The following LGR5 variants were observed in gnomAD, a reference collection of about 807,000 sequenced individuals.
LGR5 encodes the protein leucine rich repeat containing G protein-coupled receptor 5.
LGR5 carries 54 observed loss-of-function variants against 76.7 expected under a neutral mutation model. The ratio of observed to expected loss-of-function variants is 0.70; its 90% CI spans 0.57 to 0.88. The LOEUF is 0.88. Among genes scored for constraint, LGR5 ranks in the 40% least tolerant of loss-of-function variants. LGR5 has a pLI of 0.00. For missense variants in LGR5, 1,078 were observed against 1,073.3 expected, an observed-to-expected ratio of 1.00 and a Z score of -0.06; for synonymous variants, 406 against 421.9, an observed-to-expected ratio of 0.96 and a Z score of 0.46.
At chr12:71,547,649 T>C (rs1451852304) in intron 4 of LGR5, among the ~76,000 whole-genome samples, 1 of 152,226 alleles carries the variant, frequency 6.6e-6, no homozygotes, top group Non-Finnish European at 1.5e-5. Flanking sequence ...GATATCAATA[T>C]GCCCTCAAAT....
rs939261982 is a variant in LGR5 at position 71,583,993 on chromosome 12, G to A, written c.1983G>A (p.Glu661=). ...SVFLLTLAAL[E]RGFSVKYSAK... Reference sequence around the variant, plus strand: ...TCCTGCTTACTCTGGCAGCCCTGGAGCGTGGGTTCTCTGTGAAATATTCTG... The same window carrying A: ...TCCTGCTTACTCTGGCAGCCCTGGAACGTGGGTTCTCTGTGAAATATTCTG... The change falls in exon 18 of 18, where the codon GAG becomes GAA. Residue 661 remains glutamate (E), a synonymous_variant. Transcript: ENST00000266674. The A allele has an allele frequency of 6.2e-7, 1 of 1,614,076 alleles. No individual in the cohort carries two copies. The highest frequency in any genetic ancestry group is 1.3e-5 in the African/African-American group (1 of 74,928).
intron 2 of LGR5, among the ~76,000 whole-genome samples, chr12:71,508,330 A>G (rs1430572041): frequency 6.6e-6 from 1 of 152,234 alleles, no homozygotes; most frequent in Non-Finnish European, 1.5e-5. Context: ...TCCTTTAACT[A>G]TGTTATAAAC....
intron 1 of LGR5, among the ~76,000 whole-genome samples, chr12:71,477,497 A>T (rs1873390090): frequency 6.8e-6 from 1 of 147,984 alleles, no homozygotes; most frequent in Non-Finnish European, 1.5e-5. Flanking sequence ...ACTATGTATT[A>T]TATATGTGAT....
At position 71,584,461 on chromosome 12, in the gene LGR5, C is replaced by G; in HGVS notation, c.2451C>G (p.Pro817=). 1 of 1,614,172 alleles carries G rather than the reference C, an allele frequency of 6.2e-7. No homozygotes were observed. Among genetic ancestry groups the G allele is most frequent in the South Asian group, 1.1e-5 (1 of 91,082 alleles). The part of the protein sequence containing the change: ...VVVPLPACLN[P]LLYILFNPHF... ...TCCCACTTCCTGCATGTCTCAATCC[C>G]CTTCTCTACATCTTGTTCAATCCTC... Residue 817 remains proline, a synonymous_variant, in exon 18 of 18, where the codon CCC becomes CCG. Coordinates refer to ENST00000266674, the MANE Select transcript of LGR5 (RefSeq NM_003667.4).
At chr12:71,566,992 ATC>A (rs1392024379) in intron 11 of LGR5, 80 bp downstream of exon 11, 3 of 1,120,254 alleles carry the variant, frequency 2.7e-6, no homozygotes, top group Non-Finnish European at 4.1e-6. Flanking sequence ...GATTTCAATA[ATC>A]TCTTTAAAAG....
intron 2 of LGR5, among the ~76,000 whole-genome samples, chr12:71,505,481 C>G (rs1248179818): frequency 6.6e-6 from 1 of 152,188 alleles, no homozygotes; most frequent in Non-Finnish European, 1.5e-5. Context: ...AGTCAATCCT[C>G]TGACTGTTGA....
At chr12:71,442,180 C>T (rs1053880156) in intron 1 of LGR5, among the ~76,000 whole-genome samples, 1 of 152,180 alleles carries the variant, frequency 6.6e-6, no homozygotes, top group Admixed American at 6.5e-5. Flanking sequence ...TTGCTTCTCT[C>T]ACTTGAAAGA....
chr12:71,474,947 T>A (rs777439648), intron 1 of LGR5, among the ~76,000 whole-genome samples: 3 of 152,162 alleles, frequency 2.0e-5, no homozygotes, highest in Non-Finnish European at 4.4e-5. Flanking sequence ...TCCGTTGGTG[T>A]GCTTTTCAAA....
rs147007812 is a variant in LGR5 at position 71,548,321 on chromosome 12, G to GTGTGTA, written c.429-4748_429-4747insTATGTG. Among the ~76,000 whole-genome samples the GTGTGTA allele has an allele frequency of 4.8e-4, 73 of 151,256 alleles. 1 individual carries two copies. The highest frequency in any genetic ancestry group is 2.7e-3 in the Admixed American group (41 of 15,152). ...TTGCACTGTGTGTGTGTGTGTGTGTGTGTGCGTAGATACATATACACATGC... is the reference window on the plus strand; with the variant it reads ...TTGCACTGTGTGTGTGTGTGTGTGTGTGTGTATGTGCGTAGATACATATACACATGC... On this transcript the variant is annotated intron_variant, in intron 4 of 17. Transcript: ENST00000266674.
Position 71,475,570 on chromosome 12 carries a change from C to G in LGR5, c.213-29044C>G, listed in dbSNP as rs11178818. The stretch of plus-strand genomic sequence containing the variant: ...CCAATCTATTGTAGTTTCTGCAGAA[C>G]AGCCTGCTCTCTTATGCTGCGACGC... On this transcript the variant is annotated intron_variant, in intron 1 of 17. Transcript: ENST00000266674. 3.3e-3 allele frequency among the ~76,000 whole-genome samples: 507 copies of G among 152,268 alleles called. 3 individuals are homozygous for G. Among genetic ancestry groups the G allele is most frequent in the African/African-American group, 0.012 (489 of 41,568 alleles).
chr12:71,575,958 A>G (rs140862572), intron 13 of LGR5, among the ~76,000 whole-genome samples: 1,590 of 152,310 alleles, frequency 0.01, 83 homozygotes, highest in Admixed American at 0.091. Flanking sequence ...TGGAGCTGGA[A>G]GCCATTATTC....
chr12:71,578,352 C>T (rs190229491), intron 14 of LGR5, among the ~76,000 whole-genome samples: 2 of 152,280 alleles, frequency 1.3e-5, no homozygotes, highest in Non-Finnish European at 1.5e-5. Context: ...TCCCTTCCCC[C>T]CACGCCAACT....
Position 71,480,026 on chromosome 12 carries a change from T to C in LGR5, c.213-24588T>C, listed in dbSNP as rs182839210. On this transcript the variant is annotated intron_variant, in intron 1 of 17. Coordinates refer to ENST00000266674, the MANE Select transcript of LGR5 (RefSeq NM_003667.4). ...TTTGGCTGCCATGTAGAACAATCTA[T>C]AGAGCGGGCAGGAGTGGAAGCAGAA... Among the ~76,000 whole-genome samples the C allele has an allele frequency of 6.4e-4, 97 of 152,260 alleles. 1 individual carries two copies. Among genetic ancestry groups the C allele is most frequent in the East Asian group, 3.3e-3 (17 of 5,166 alleles).
chr12:71,495,374 A>G (rs1565691359), intron 1 of LGR5, among the ~76,000 whole-genome samples: 1 of 151,282 alleles, frequency 6.6e-6, no homozygotes, highest in Non-Finnish European at 1.5e-5. Context: ...ATGATTGACT[A>G]GAGTTAAGTT....
Position 71,503,451 on chromosome 12 carries a change from A to T in LGR5, c.213-1163A>T, listed in dbSNP as rs78126863. Among the ~76,000 whole-genome samples, 247 of 152,352 alleles carry T rather than the reference A, an allele frequency of 1.6e-3. 3 individuals are homozygous for T. In the East Asian group the frequency reaches 0.025, roughly 15 times the overall value. Reference sequence around the variant, plus strand: ...GGTGCCATACTCTGAAACAATTAATAAAATATTTTCTCTTCTTTGCACATT... The same window carrying T: ...GGTGCCATACTCTGAAACAATTAATTAAATATTTTCTCTTCTTTGCACATT... On this transcript the variant is annotated intron_variant, in intron 1 of 17. Transcript: ENST00000266674.
chr12:71,504,524 T>C (rs1874761095), intron 1 of LGR5, 90 bp from the exon 2 acceptor site: 1 of 956,328 alleles, frequency 1.0e-6, no homozygotes, highest in East Asian at 2.4e-5. Flanking sequence ...TTCATTTTAC[T>C]GTATTGTTTG....
chr12:71,508,000 C>G (rs1357062278), intron 2 of LGR5, among the ~76,000 whole-genome samples: 4 of 151,086 alleles, frequency 2.6e-5, no homozygotes, highest in Non-Finnish European at 5.9e-5. Context: ...GCGGGCAGAT[C>G]ACGAGTTCAG....
chr12:71,475,812 T>A (rs907822704), intron 1 of LGR5, among the ~76,000 whole-genome samples: 3 of 152,180 alleles, frequency 2.0e-5, no homozygotes, highest in African/African-American at 7.2e-5. Flanking sequence ...TCAGCTAAGA[T>A]CTAGGAGAGA....
chr12:71,506,137 T>G (rs976215663), intron 2 of LGR5, among the ~76,000 whole-genome samples: 4 of 152,166 alleles, frequency 2.6e-5, no homozygotes, highest in Admixed American at 6.5e-5. Context: ...TTAAATAATT[T>G]TCAAACATCA....
Sources: allele counts gnomAD v4.1 joint callset (sites outside exome capture counted in the v4.1 genomes callset), GRCh38; gene constraint gnomAD v4.1.1; transcripts MANE v1.5; gene names NCBI Gene and HGNC (gene_info 2026-07-23, HGNC 2026-07-21).